Variants in CPLX2 observed in about 807,000 individuals in gnomAD.
The protein encoded by CPLX2 is complexin 2.
Under a neutral mutation model 16.3 loss-of-function variants are expected in CPLX2, and 5 were observed. The observed-to-expected ratio is 0.31, with a 90% CI of 0.16 to 0.64. The LOEUF is 0.64. CPLX2 is among the 30% of genes least tolerant of loss of function. The pLI is 0.79. For synonymous variants in CPLX2, 89 were observed against 73.2 expected (o/e 1.22, Z -1.10); for missense variants, 144 against 181.4 (o/e 0.79, Z 1.18).
intron 2 of CPLX2, among the ~76,000 whole-genome samples, chr5:175,811,163 T>A (rs903783173): frequency 2.6e-5 from 4 of 152,224 alleles, no homozygotes; most frequent in African/African-American, 9.6e-5. Flanking sequence ...TGATTATGAA[T>A]GATTGGTTCA....
Position 175,845,846 on chromosome 5 carries a change from C to G in CPLX2, c.-88-32806C>G, listed in dbSNP as rs535237807. Among the ~76,000 whole-genome samples the G allele has an allele frequency of 2.8e-4, 42 of 152,238 alleles. 1 individual carries two copies. The East Asian group carries it at 7.8e-3, about 28-fold the overall frequency. On this transcript the variant is annotated intron_variant, in intron 2 of 4. Transcript: ENST00000359546. The surrounding 1 kb of genome is among the most constrained non-coding windows in gnomAD (Gnocchi z 4.0). Reference sequence around the variant, plus strand: ...AGGGCAAAGTTTTCTCCTAGAATCCCAGGACTTTGAGGGAAACCCAGGATG... The same window carrying G: ...AGGGCAAAGTTTTCTCCTAGAATCCGAGGACTTTGAGGGAAACCCAGGATG...
intron 2 of CPLX2, among the ~76,000 whole-genome samples, chr5:175,847,263 A>T (rs889880020): frequency 1.3e-5 from 2 of 152,008 alleles, no homozygotes; most frequent in Non-Finnish European, 2.9e-5. Context: ...CGCGTGGGGG[A>T]GTGCGAGCGG....
intron 2 of CPLX2, among the ~76,000 whole-genome samples, chr5:175,836,166 C>T (rs915631520): frequency 2.5e-4 from 38 of 152,124 alleles, no homozygotes; most frequent in East Asian, 5.9e-4. Context: ...CTGGCTAACA[C>T]GGTGAAACCC....
At chr5:175,857,223 G>T (rs1286413569) in intron 2 of CPLX2, among the ~76,000 whole-genome samples, 1 of 152,122 alleles carries the variant, frequency 6.6e-6, no homozygotes, top group African/African-American at 2.4e-5. Flanking sequence ...CATCCTTCAG[G>T]CCACACTTTC....
intron 2 of CPLX2, among the ~76,000 whole-genome samples, chr5:175,856,418 C>T (rs567014766): frequency 7.2e-5 from 11 of 152,298 alleles, no homozygotes; most frequent in Admixed American, 2.0e-4. Context: ...TGCCTACAGT[C>T]ACCCAGCTAG....
At position 175,850,287 on chromosome 5, in the gene CPLX2, G is replaced by C. The variant is rs538245783; in HGVS notation, c.-88-28365G>C. 2.0e-5 allele frequency among the ~76,000 whole-genome samples: 3 copies of C among 152,296 alleles called. No individual in the cohort carries two copies. The East Asian group carries it at 5.8e-4, about 29-fold the overall frequency. ...CCCATGCAGGGCCCAGCAAGGGGGT[G>C]GTATTTGGGCCGTGCCTTGAAGAAA... is the stretch of plus-strand genomic sequence containing the variant. On this transcript the variant is annotated intron_variant, in intron 2 of 4. Coordinates refer to the CPLX2 transcript ENST00000359546.
chr5:175,833,565 G>A (rs1254455309), intron 2 of CPLX2, among the ~76,000 whole-genome samples: 1 of 151,974 alleles, frequency 6.6e-6, no homozygotes, highest in African/African-American at 2.4e-5. Context: ...AAATGGAAAT[G>A]GGGGGGCCTG....
At chr5:175,873,255 A>T (rs1044783370) in intron 1 of CPLX2, among the ~76,000 whole-genome samples, 4 of 85,396 alleles carry the variant, frequency 4.7e-5, no homozygotes, top group Non-Finnish European at 9.4e-5. Flanking sequence ...GGCATATGGC[A>T]AAACATACAC....
intron 2 of CPLX2, among the ~76,000 whole-genome samples, chr5:175,855,495 G>A (rs1314415854): frequency 6.6e-6 from 1 of 152,178 alleles, no homozygotes; most frequent in African/African-American, 2.4e-5. Flanking sequence ...TCATGTAACT[G>A]ATAAGTTCAA....
chr5:175,831,260 C>G (rs757946750), intron 2 of CPLX2, among the ~76,000 whole-genome samples: 4 of 152,192 alleles, frequency 2.6e-5, no homozygotes, highest in African/African-American at 9.7e-5. Flanking sequence ...CATTCGCTCT[C>G]TCCAGCTCCC....
At chr5:175,841,950 C>T (rs971056856) in intron 2 of CPLX2, among the ~76,000 whole-genome samples, 6 of 152,234 alleles carry the variant, frequency 3.9e-5, no homozygotes, top group African/African-American at 1.2e-4. Context: ...TCTTGGACCC[C>T]ACTCTCCTAG....
rs60703884 is a variant in CPLX2, at chr5:175,860,518, A to T, written c.-88-18134A>T. Among the ~76,000 whole-genome samples the T allele has an allele frequency of 1.0e-3, 29 of 27,776 alleles. 1 individual carries two copies. The highest frequency in any genetic ancestry group is 2.5e-3 in the African/African-American group (26 of 10,572). The allele number at this position is 27,776 out of a possible 152,430, so 18.2% of individuals were successfully genotyped here. On this transcript the variant is annotated intron_variant, in intron 2 of 4. Transcript: ENST00000359546. ...GAAAGAAAAGAAAGAAAGAAAGAAA[A>T]AGAAAGAAAGAAAGAAAGAAAGATA...
chr5:175,841,438 A>G (rs1487002184), intron 2 of CPLX2, among the ~76,000 whole-genome samples: 1 of 152,232 alleles, frequency 6.6e-6, no homozygotes, highest in Non-Finnish European at 1.5e-5. Context: ...ACACAGGAGA[A>G]GTGCACATCA....
At chr5:175,854,859 C>T (rs1272156893) in intron 2 of CPLX2, among the ~76,000 whole-genome samples, 1 of 152,124 alleles carries the variant, frequency 6.6e-6, no homozygotes, top group East Asian at 1.9e-4. Flanking sequence ...CCATTGATTC[C>T]ACAAACATTT....
At chr5:175,857,637 G>A (rs1469196733) in intron 2 of CPLX2, among the ~76,000 whole-genome samples, 1 of 152,192 alleles carries the variant, frequency 6.6e-6, no homozygotes, top group East Asian at 1.9e-4. Flanking sequence ...TACTGAAAGT[G>A]GAAAACAGAG....
chr5:175,870,928 G>A (rs971377971), upstream of CPLX2, among the ~76,000 whole-genome samples: 2 of 152,142 alleles, frequency 1.3e-5, no homozygotes, highest in Non-Finnish European at 2.9e-5. Context: ...TGTTTCCTGA[G>A]TGCTCCTGTG....
At chr5:175,827,156 C>CCTT (rs1758631608) in intron 2 of CPLX2, among the ~76,000 whole-genome samples, 1 of 152,128 alleles carries the variant, frequency 6.6e-6, no homozygotes, top group African/African-American at 2.4e-5. Flanking sequence ...GGTCACATGC[C>CCTT]CTTCCCTGCA....
Position 175,836,229 on chromosome 5 carries a change from G to A in CPLX2, c.-89+27161G>A, listed in dbSNP as rs62387096. Reference sequence around the variant, plus strand: ...GCTGGGCGTGGTGGCGGGCACCTGTGGTCCCAGCTACTTGGGAGGCTGAGG... The same window carrying A: ...GCTGGGCGTGGTGGCGGGCACCTGTAGTCCCAGCTACTTGGGAGGCTGAGG... On this transcript the variant is annotated intron_variant, in intron 2 of 4. Coordinates refer to the CPLX2 transcript ENST00000359546. Among the ~76,000 whole-genome samples the A allele has an allele frequency of 1.3e-3, 203 of 152,136 alleles. 2 individuals carry two copies. Among genetic ancestry groups the A allele is most frequent in the Non-Finnish European group, 2.3e-3 (156 of 67,992 alleles).
chr5:175,803,764 G>GC (rs1758143088), intron 1 of CPLX2, among the ~76,000 whole-genome samples: 2 of 152,236 alleles, frequency 1.3e-5, no homozygotes, highest in South Asian at 4.1e-4. Context: ...ATGGGGTGAA[G>GC]CCCATGTCAG....
Sources: gnomAD v4.1 joint callset for allele counts (sites outside exome capture counted in the v4.1 genomes callset) on GRCh38, gnomAD v4.1.1 for gene constraint, Gnocchi (gnomAD v3.1) non-coding constraint, MANE v1.5 for transcripts, NCBI Gene and HGNC (gene_info 2026-07-23, HGNC 2026-07-21) for gene names.